ACER1: variants seen among roughly 807,000 people sequenced by gnomAD.
ACER1 encodes the protein CTB-180A7.3.
ACER1 carries 28 observed loss-of-function variants against 24.9 expected under a neutral mutation model. The observed-to-expected ratio is 1.13, with a 90% CI of 0.83 to 1.54. The LOEUF is 1.54. ACER1 is among the 40% of genes most tolerant of loss of function. The pLI is 0.00. For missense variants in ACER1, 352 were observed against 349.3 expected, an observed-to-expected ratio of 1.01 and a Z score of -0.06; for synonymous variants, 132 against 131.4, an observed-to-expected ratio of 1.00 and a Z score of -0.03.
chr19:6,324,167 C>T (rs1326939598), intron 1 of ACER1, among the ~76,000 whole-genome samples: 1 of 151,548 alleles, frequency 6.6e-6, no homozygotes, highest in Non-Finnish European at 1.5e-5. Context: ...GCCTCACCCT[C>T]CTAAGTAGCT....
chr19:6,342,378 A>G, the ACER1 span, among the ~76,000 whole-genome samples: 2 of 150,944 alleles, frequency 1.3e-5, no homozygotes, highest in African/African-American at 4.9e-5. Context: ...TGGGCAACAT[A>G]GGCAGACTGT....
chr19:6,315,173 G>A (rs747642301), intron 1 of ACER1, among the ~76,000 whole-genome samples: 16 of 148,630 alleles, frequency 1.1e-4, no homozygotes, highest in Non-Finnish European at 2.1e-4. Context: ...GTGAGCCACT[G>A]CACCCGGCCT....
At chr19:6,331,189 C>T (rs1029732029) in intron 1 of ACER1, among the ~76,000 whole-genome samples, 5 of 143,550 alleles carry the variant, frequency 3.5e-5, no homozygotes, top group Admixed American at 6.8e-5. Flanking sequence ...CTCGCTCTGT[C>T]ACCAGGCTGG....
the ACER1 span, among the ~76,000 whole-genome samples, chr19:6,352,661 G>A: frequency 5.3e-5 from 8 of 152,226 alleles, no homozygotes; most frequent in Non-Finnish European, 8.8e-5. Flanking sequence ...GTGCACAGGT[G>A]CACACCTTTG....
intron 1 of ACER1, among the ~76,000 whole-genome samples, chr19:6,329,380 G>GAATAGAATAGAATAGAATAC (rs2091676994): frequency 2.0e-5 from 3 of 151,756 alleles, no homozygotes; most frequent in African/African-American, 7.3e-5. Context: ...GAATAGAATA[G>GAATAGAATAGAATAGAATAC]AATAGAATAG....
At chr19:6,349,426 A>AAGGG in the ACER1 span, among the ~76,000 whole-genome samples, 1 of 136,378 alleles carries the variant, frequency 7.3e-6, no homozygotes, top group Admixed American at 7.1e-5. Flanking sequence ...AGAAGGAAGG[A>AAGGG]AGGAAAGAAG....
At chr19:6,321,423 G>A (rs1385685362) in intron 1 of ACER1, among the ~76,000 whole-genome samples, 1 of 152,088 alleles carries the variant, frequency 6.6e-6, no homozygotes, top group Non-Finnish European at 1.5e-5. Flanking sequence ...TTACAGGTGT[G>A]AGCCACCCCA....
intron 1 of ACER1, among the ~76,000 whole-genome samples, chr19:6,323,508 C>G (rs897252956): frequency 6.6e-6 from 1 of 152,176 alleles, no homozygotes; most frequent in Non-Finnish European, 1.5e-5. Flanking sequence ...TAAGATGTGA[C>G]TTGCTCCTCC....
At chr19:6,323,022 G>C (rs573613150) in intron 1 of ACER1, among the ~76,000 whole-genome samples, 69 of 152,262 alleles carry the variant, frequency 4.5e-4, no homozygotes, top group African/African-American at 1.5e-3. Context: ...TGAGGGAGGA[G>C]AATAGCTTGA....
upstream of ACER1, among the ~76,000 whole-genome samples, chr19:6,338,419 G>A (rs990844558): frequency 2.6e-5 from 4 of 152,172 alleles, no homozygotes; most frequent in Admixed American, 6.6e-5. Context: ...ATGAATGCAT[G>A]GGAAAAGCTG....
chr19:6,310,982 G>T (rs566753826), intron 3 of ACER1, among the ~76,000 whole-genome samples: 1 of 151,878 alleles, frequency 6.6e-6, no homozygotes, highest in South Asian at 2.1e-4. Context: ...CCCAGGCAGC[G>T]TCTAAAGGGG....
chr19:6,327,804 C>T (rs192197849), intron 1 of ACER1, among the ~76,000 whole-genome samples: 175 of 151,466 alleles, frequency 1.2e-3, no homozygotes, highest in African/African-American at 3.7e-3. Context: ...TGGCCAGGCA[C>T]GGTGGCTTGT....
the ACER1 span, chr19:6,353,274 G>T: frequency 2.0e-5 from 3 of 152,194 alleles, no homozygotes; most frequent in South Asian, 4.2e-4. Flanking sequence ...CAAGGCTGCA[G>T]TGAGCCATGT....
chr19:6,356,595 C>T, the ACER1 span, among the ~76,000 whole-genome samples: 113 of 152,120 alleles, frequency 7.4e-4, 1 homozygote, highest in Middle Eastern at 3.4e-3. Flanking sequence ...CATCCCAGCC[C>T]CCTCCTAAAT....
At chr19:6,333,418 C>G in intron 1 of ACER1, 41 bp downstream of exon 1, 17 of 1,496,824 alleles carry the variant, frequency 1.1e-5, no homozygotes, top group Non-Finnish European at 1.5e-5. Flanking sequence ...GGGATTCGAA[C>G]CGGCATCTGG....
intron 1 of ACER1, among the ~76,000 whole-genome samples, chr19:6,315,493 A>C (rs1600237397): frequency 6.6e-6 from 1 of 151,122 alleles, no homozygotes; most frequent in Non-Finnish European, 1.5e-5. Context: ...CATTCTCCTG[A>C]CTCAGCCTCC....
chr19:6,347,083 G>A, the ACER1 span, among the ~76,000 whole-genome samples: 3 of 108,342 alleles, frequency 2.8e-5, no homozygotes, highest in Admixed American at 9.5e-5. Flanking sequence ...CCAACACCAC[G>A]AGTCCCTGTC....
the ACER1 span, among the ~76,000 whole-genome samples, chr19:6,344,824 A>G: frequency 1.4e-5 from 2 of 141,806 alleles, no homozygotes; most frequent in Non-Finnish European, 3.1e-5. Flanking sequence ...ATATTTCACA[A>G]CAATCAATTT....
At chr19:6,335,770 G>T (rs1317846568), upstream of ACER1, among the ~76,000 whole-genome samples, 1 of 151,746 alleles carries the variant, frequency 6.6e-6, no homozygotes, top group African/African-American at 2.4e-5. Context: ...GACGGAGCTT[G>T]CAGCGAGCCA....
Sources: gnomAD v4.1 joint callset for allele counts (sites outside exome capture counted in the v4.1 genomes callset) on GRCh38, gnomAD v4.1.1 for gene constraint, MANE v1.5 for transcripts, NCBI Gene and HGNC (gene_info 2026-07-23, HGNC 2026-07-21) for gene names.